TRIM77: variants seen among roughly 807,000 people sequenced by gnomAD.
The protein encoded by TRIM77 is tripartite motif-containing protein 77.
Under a neutral mutation model 31.8 loss-of-function variants are expected in TRIM77, and 23 were observed. The observed-to-expected ratio is 0.72, with a 90% confidence interval of 0.52 to 1.02. The LOEUF is 1.02. Among genes scored for constraint, TRIM77 ranks in the 50% least tolerant of loss-of-function variants. The probability of loss-of-function intolerance (pLI) is 0.00; values close to 1 mark genes in which losing one functional copy is unlikely to be tolerated. For synonymous variants in TRIM77, 159 were observed against 183.1 expected (o/e 0.87, Z 1.06); for missense variants, 446 against 539.2 (o/e 0.83, Z 1.71).
intron 2 of TRIM77, among the ~76,000 whole-genome samples, chr11:89,713,524 TG>T (rs1949139101): frequency 6.8e-6 from 1 of 147,332 alleles, no homozygotes; most frequent in South Asian, 2.1e-4. Context: ...GAAAGAGAGA[TG>T]GGGGAAATAA....
rs1949117364 is a variant in TRIM77, at chr11:89,710,769, T to G, written c.411+60T>G. Reference sequence around the variant, plus strand: ...GAAGAACCCTGAATCCTACAGGTAATACGGAAAGATATACTTATCATTATT... The same window carrying G: ...GAAGAACCCTGAATCCTACAGGTAAGACGGAAAGATATACTTATCATTATT... On this transcript the variant is annotated intron_variant, in intron 1 of 5. Coordinates refer to ENST00000398290, the MANE Select transcript of TRIM77 (RefSeq NM_001146162.1). 3.9e-6 allele frequency: 5 copies of G among 1,291,768 alleles called. No homozygotes were observed. In the East Asian group the frequency reaches 1.3e-4, roughly 33 times the overall value. The allele number at this position is 1,291,768 out of a possible 1,614,324, so 80.0% of individuals were successfully genotyped here.
In TRIM77 at chr11:89,714,173, T is replaced by A; in HGVS notation, c.508-19T>A. ...AAACCACTTAGACACATGATTTAAT[T>A]AATCAACTATCACTACAGGTTTTTA... On this transcript the variant is annotated intron_variant, in intron 2 of 5. Transcript: ENST00000398290. 1 of 1,487,974 alleles carries A rather than the reference T, an allele frequency of 6.7e-7. No individual in the cohort carries two copies. Among genetic ancestry groups the A allele is most frequent in the Non-Finnish European group, 9.1e-7 (1 of 1,098,938 alleles). 92.2% of individuals were successfully genotyped at this position (1,487,974 alleles called of 1,614,324 possible).
chr11:89,710,566 A>T lies in TRIM77; in HGVS notation c.268A>T (p.Met90Leu), dbSNP rs771263837. ...SVPCQLSSSA[M>L]LICRRHQEIK... ...CCCCTGCCAGTTATCAAGCTCTGCC[A>T]TGCTGATCTGTAGGAGACACCAGGA... The change falls in exon 1 of 6, where the codon ATG (methionine) becomes TTG (leucine). Residue 90 changes from methionine to leucine, a missense_variant. By Grantham distance (15) the Met-to-Leu change is conservative (BLOSUM62 2). This residue lies in a region of TRIM77 where 366 missense variants were observed against 447.9 expected (regional missense o/e 0.82). Transcript: ENST00000398290. 8 of 1,551,370 alleles carry T rather than the reference A, an allele frequency of 5.2e-6. No individual in the cohort carries two copies. The South Asian group carries it at 7.1e-5, about 14-fold the overall frequency.
intron 5 of TRIM77, among the ~76,000 whole-genome samples, chr11:89,716,346 G>A (rs1445502098): frequency 2.0e-5 from 3 of 152,070 alleles, no homozygotes; most frequent in African/African-American, 4.8e-5. Flanking sequence ...ATATTTACAC[G>A]ATCCAATTCT....
In TRIM77 at chr11:89,717,435, C is replaced by A. The variant is rs34671794; in HGVS notation, c.916C>A (p.Leu306Ile). 1.4e-5 allele frequency: 21 copies of A among 1,551,336 alleles called. No individual in the cohort carries two copies. The Admixed American group carries it at 2.4e-4, about 17-fold the overall frequency. ...CSNHKLLFED[L>I]RHLQCSLDDT... ...TAATCACAAGCTTCTGTTCGAAGACCTAAGGCATTTGCAGTGCAGCCTTGA... is the reference window on the plus strand; with the variant it reads ...TAATCACAAGCTTCTGTTCGAAGACATAAGGCATTTGCAGTGCAGCCTTGA... Residue 306 changes from leucine (L) to isoleucine (I), a missense_variant, in exon 6 of 6, where the codon CTA becomes ATA. By Grantham distance (5) the Leu-to-Ile change is conservative. This residue lies in a region of TRIM77 where 366 missense variants were observed against 447.9 expected (regional missense o/e 0.82). Transcript: ENST00000398290.
At chr11:89,714,548 G>A in intron 3 of TRIM77, 126 bp downstream of exon 3, 1 of 709,538 alleles carries the variant, frequency 1.4e-6, no homozygotes. Context: ...TGCCTTTCCT[G>A]GCCTTATGGT....
chr11:89,717,113 T>C (rs1248500284), intron 5 of TRIM77, among the ~76,000 whole-genome samples: 1 of 152,168 alleles, frequency 6.6e-6, no homozygotes, highest in Admixed American at 6.5e-5. Flanking sequence ...ATGCCACTCG[T>C]GATAGAGTGG....
Position 89,714,224 on chromosome 11 carries a change from T to A in TRIM77, c.540T>A (p.Ser180Arg). The part of the protein sequence containing the change: ...VFINLRSMMI[S>R]AEYPKVCQYL... ...TAAATTTGCGGAGCATGATGATCAG[T>A]GCTGAATATCCTAAGGTGTGTCAAT... Residue 180 changes from serine to arginine, a missense_variant, in exon 3 of 6, where the codon AGT (serine) becomes AGA (arginine). Transcript: ENST00000398290. 6.4e-7 allele frequency: 1 copy of A among 1,551,584 alleles called. No individual in the cohort carries two copies. The highest frequency in any genetic ancestry group is 8.7e-7 in the Non-Finnish European group (1 of 1,146,928).
At position 89,717,586 on chromosome 11, in the gene TRIM77, G is replaced by A. The variant is rs1949170857; in HGVS notation, c.1067G>A (p.Gly356Glu). The change falls in exon 6 of 6, where the codon GGA (glycine) becomes GAA (glutamate). Residue 356 changes from glycine (G) to glutamate (E), a missense_variant. This residue lies in a region of TRIM77 where 366 missense variants were observed against 447.9 expected (regional missense o/e 0.82). Transcript: ENST00000398290. ...AAAGACTCTTGTAATTGGGTTATAG[G>A]ACTTTGCAGAGAAGCCTGGACAAAG... The part of the protein sequence containing the change: ...DVKDSCNWVI[G>E]LCREAWTKRN... The A allele has an allele frequency of 5.2e-6, 8 of 1,551,476 alleles. No homozygotes were observed. The highest frequency in any genetic ancestry group is 7.0e-6 in the Non-Finnish European group (8 of 1,146,872).
intron 5 of TRIM77, 82 bp downstream of exon 5, chr11:89,716,069 TTC>T: frequency 2.7e-6 from 2 of 747,706 alleles, no homozygotes; most frequent in Non-Finnish European, 4.1e-6. Context: ...CTATATTCAC[TTC>T]TCTGTCTCTA....
chr11:89,714,251 C>T lies in TRIM77; in HGVS notation c.567C>T (p.Tyr189=). 6.4e-7 allele frequency: 1 copy of T among 1,551,594 alleles called. No individual in the cohort carries two copies. The highest frequency in any genetic ancestry group is 8.7e-7 in the Non-Finnish European group (1 of 1,146,988). ...ISAEYPKVCQ[Y]LREEEQKHVE... Reference sequence around the variant, plus strand: ...CTGAATATCCTAAGGTGTGTCAATACCTCCGTGAAGAAGAGCAAAAGCACG... The same window carrying T: ...CTGAATATCCTAAGGTGTGTCAATATCTCCGTGAAGAAGAGCAAAAGCACG... The change falls in exon 3 of 6, where the codon TAC becomes TAT. Residue 189 remains tyrosine, a synonymous_variant. Transcript: ENST00000398290.
intron 3 of TRIM77, 107 bp downstream of exon 3, chr11:89,714,529 T>C: frequency 1.2e-6 from 1 of 823,962 alleles, no homozygotes; most frequent in Non-Finnish European, 1.9e-6. Flanking sequence ...GTTCCAAATA[T>C]TCAGATTCTG....
chr11:89,711,172 G>A (rs1426113624), intron 1 of TRIM77, among the ~76,000 whole-genome samples: 2 of 152,144 alleles, frequency 1.3e-5, no homozygotes, highest in East Asian at 3.8e-4. Flanking sequence ...AAATTGACAA[G>A]GTTGTATCAG....
chr11:89,715,756 C>T (rs777744863), intron 4 of TRIM77, 134 bp from the exon 5 acceptor site: 1 of 570,376 alleles, frequency 1.8e-6, no homozygotes, highest in Non-Finnish European at 3.1e-6. Context: ...GTTACAATTG[C>T]AATATTTCTT....
intron 2 of TRIM77, among the ~76,000 whole-genome samples, chr11:89,713,289 A>G (rs1328556036): frequency 1.3e-5 from 2 of 149,294 alleles, no homozygotes; most frequent in African/African-American, 4.9e-5. Flanking sequence ...AAAAAAAAAA[A>G]AAAAAAAAAG....
In TRIM77 at chr11:89,714,336, A is replaced by G; in HGVS notation, c.652A>G (p.Arg218Gly). Reference protein sequence around the residue: ...IFQQLKRSQTRMAKMGILLRE... With the variant: ...IFQQLKRSQTGMAKMGILLRE... ...TCAGCAACTCAAGAGAAGTCAAACT[A>G]GAATGGCTAAGATGGGTATACTCCT... The change falls in exon 3 of 6, where the codon AGA (arginine) becomes GGA (glycine). Residue 218 changes from arginine (R) to glycine (G), a missense_variant. By Grantham distance (125) the Arg-to-Gly change is moderately radical. Transcript: ENST00000398290. 3 of 1,551,780 alleles carry G rather than the reference A, an allele frequency of 1.9e-6. No homozygotes were observed. The highest frequency in any genetic ancestry group is 1.2e-5 in the South Asian group (1 of 84,060).
At position 89,715,200 on chromosome 11, in the gene TRIM77, C is replaced by A. The variant is rs1832168212; in HGVS notation, c.761+20C>A. 6.5e-7 allele frequency: 1 copy of A among 1,550,002 alleles called. No individual in the cohort carries two copies. Among genetic ancestry groups the A allele is most frequent in the Admixed American group, 2.0e-5 (1 of 50,970 alleles). On this transcript the variant is annotated intron_variant, in intron 4 of 5. Coordinates refer to ENST00000398290, the MANE Select transcript of TRIM77 (RefSeq NM_001146162.1). ...GAAAAGGTAAGTTTGCCCCTCTATC[C>A]AAGTCCTGGTAATTGTGACAATAAT... is the stretch of plus-strand genomic sequence containing the variant.
chr11:89,715,947 G>C lies in TRIM77; in HGVS notation c.819G>C (p.Trp273Cys). The C allele has an allele frequency of 1.3e-6, 2 of 1,548,678 alleles. No homozygotes were observed. Among genetic ancestry groups the C allele is most frequent in the Non-Finnish European group, 1.7e-6 (2 of 1,144,790 alleles). Residue 273 changes from tryptophan (W) to cysteine (C), a missense_variant, in exon 5 of 6, where the codon TGG becomes TGC. Physicochemically the swap from Trp to Cys is radical, Grantham distance 215 (BLOSUM62 -2). This residue lies in a region of TRIM77 where 366 missense variants were observed against 447.9 expected (regional missense o/e 0.82). Coordinates refer to ENST00000398290, the MANE Select transcript of TRIM77 (RefSeq NM_001146162.1). ...PQPVNPQLSAWTITGVSERLN... is the reference protein window; with the variant it reads ...PQPVNPQLSACTITGVSERLN... ...CTGTGAACCCACAGCTCAGTGCATG[G>C]ACCATCACTGGGGTGTCAGAAAGGC...
rs1268302552 is a variant in TRIM77 at position 89,715,970 on chromosome 11, G to A, written c.842G>A (p.Arg281Lys). The change falls in exon 5 of 6, where the codon AGG becomes AAG. Residue 281 changes from arginine to lysine, a missense_variant. Around this residue, in one of 3 missense-constraint regions of TRIM77, gnomAD observed 366 missense variants for 447.9 expected, o/e 0.82. Transcript: ENST00000398290. ...TGGACCATCACTGGGGTGTCAGAAA[G>A]GCTTAACTTCTTCAGAGGTAAGAGT... ...SAWTITGVSE[R>K]LNFFRVYITL... 1 of 1,546,920 alleles carries A rather than the reference G, an allele frequency of 6.5e-7. No homozygotes were observed. The highest frequency in any genetic ancestry group is 8.7e-7 in the Non-Finnish European group (1 of 1,143,688).
Sources: gnomAD v4.1 joint callset for allele counts (sites outside exome capture counted in the v4.1 genomes callset) on GRCh38, gnomAD v4.1.1 for gene constraint, gnomAD v4.1.1 regional missense constraint, MANE v1.5 for transcripts, NCBI Gene and HGNC (gene_info 2026-07-23, HGNC 2026-07-21) for gene names.